The following SDK1 variants were observed in gnomAD, a reference collection of about 807,000 sequenced individuals.
The protein encoded by SDK1 is sidekick cell adhesion molecule 1, also known as protein sidekick-1.
SDK1 carries 157 observed loss-of-function variants against 245.5 expected under a neutral mutation model. The ratio of observed to expected loss-of-function variants is 0.64; its 90% CI spans 0.56 to 0.73. The LOEUF is 0.73. SDK1 is among the 30% of genes least tolerant of loss of function. SDK1 has a pLI of 0.00. For missense variants in SDK1, 3,583 were observed against 3,002.3 expected, an observed-to-expected ratio of 1.19 and a Z score of -4.52; for synonymous variants, 1,647 against 1,278.5, an observed-to-expected ratio of 1.29 and a Z score of -6.15.
intron 25 of SDK1, among the ~76,000 whole-genome samples, chr7:4,118,986 A>C (rs1783897885): frequency 6.7e-6 from 1 of 148,648 alleles, no homozygotes; most frequent in Admixed American, 6.7e-5. Flanking sequence ...GGGGATGATG[A>C]GATGTTCCAA....
chr7:4,159,328 C>G (rs1278440281), intron 31 of SDK1, among the ~76,000 whole-genome samples: 1 of 152,238 alleles, frequency 6.6e-6, no homozygotes, highest in African/African-American at 2.4e-5. Flanking sequence ...GTTTCTCCCA[C>G]ATAGGCCTCC....
intron 1 of SDK1, among the ~76,000 whole-genome samples, chr7:3,485,882 G>A (rs116637488): frequency 5.9e-5 from 9 of 151,344 alleles, no homozygotes; most frequent in Admixed American, 3.3e-4. Context: ...TCTTTGTCCC[G>A]TTAGGACAGT....
chr7:3,680,890 T>G (rs941287558), intron 4 of SDK1, among the ~76,000 whole-genome samples: 9 of 152,212 alleles, frequency 5.9e-5, no homozygotes, highest in African/African-American at 2.2e-4. Context: ...GTTGCCAGGC[T>G]GGAGTTCAGT....
intron 1 of SDK1, among the ~76,000 whole-genome samples, chr7:3,602,641 A>C (rs1180073860): frequency 6.6e-6 from 1 of 151,446 alleles, no homozygotes; most frequent in Non-Finnish European, 1.5e-5. Flanking sequence ...GTTCACTCTG[A>C]TGTTAGTTTC....
At chr7:3,460,775 A>G (rs1562499427) in intron 1 of SDK1, among the ~76,000 whole-genome samples, 2 of 152,218 alleles carry the variant, frequency 1.3e-5, no homozygotes, top group African/African-American at 4.8e-5. Context: ...CAATTGTTAT[A>G]AATTGGAGAA....
intron 5 of SDK1, among the ~76,000 whole-genome samples, chr7:3,905,493 A>G (rs1037186141): frequency 2.0e-5 from 3 of 152,004 alleles, no homozygotes; most frequent in Non-Finnish European, 4.4e-5. Context: ...TCTATTGTGG[A>G]TAATCTTTCC....
chr7:4,255,608 C>A (rs753328944), intron 44 of SDK1, among the ~76,000 whole-genome samples: 1 of 152,194 alleles, frequency 6.6e-6, no homozygotes, highest in Non-Finnish European at 1.5e-5. Flanking sequence ...AGCCCCAGTA[C>A]TCTTGGCCAT....
intron 5 of SDK1, among the ~76,000 whole-genome samples, chr7:3,923,846 G>T (rs866036845): frequency 6.6e-6 from 1 of 152,190 alleles, no homozygotes; most frequent in Non-Finnish European, 1.5e-5. Flanking sequence ...TTCCTCAGGG[G>T]TTCCTTTCAC....
intron 2 of SDK1, among the ~76,000 whole-genome samples, chr7:3,634,174 G>A (rs1369614429): frequency 6.6e-6 from 1 of 152,094 alleles, no homozygotes; most frequent in African/African-American, 2.4e-5. Flanking sequence ...TTTGAGATAA[G>A]CCCCATCTCC....
At chr7:3,741,563 C>G (rs561729455) in intron 4 of SDK1, among the ~76,000 whole-genome samples, 1 of 152,102 alleles carries the variant, frequency 6.6e-6, no homozygotes, top group Non-Finnish European at 1.5e-5. Context: ...GTAGTTTGCC[C>G]TAATTAACTT....
At chr7:4,043,996 TTTTC>T (rs1179063168) in intron 17 of SDK1, among the ~76,000 whole-genome samples, 1 of 152,216 alleles carries the variant, frequency 6.6e-6, no homozygotes, top group Non-Finnish European at 1.5e-5. Context: ...TTGTGTTTTC[TTTTC>T]TTTCTTTCAG....
chr7:3,371,187 A>G (rs1006256712), intron 1 of SDK1, among the ~76,000 whole-genome samples: 7 of 152,194 alleles, frequency 4.6e-5, no homozygotes, highest in African/African-American at 1.4e-4. Flanking sequence ...GGCTCAGAGG[A>G]GAACACATCT....
chr7:3,980,012 C>G (rs1290813204), intron 13 of SDK1, among the ~76,000 whole-genome samples: 1 of 152,096 alleles, frequency 6.6e-6, no homozygotes, highest in African/African-American at 2.4e-5. Flanking sequence ...TGACAGAGCC[C>G]TCGTAAGGAG....
chr7:3,430,525 G>A (rs533250910), intron 1 of SDK1, among the ~76,000 whole-genome samples: 5 of 152,046 alleles, frequency 3.3e-5, no homozygotes, highest in South Asian at 4.2e-4. Flanking sequence ...CCTCCTGCTC[G>A]TCAGCTTCAT....
intron 1 of SDK1, among the ~76,000 whole-genome samples, chr7:3,446,992 A>G (rs1448359380): frequency 6.6e-6 from 1 of 152,190 alleles, no homozygotes; most frequent in East Asian, 1.9e-4. Context: ...CGATGAAGCA[A>G]TCTGAGTGAA....
At chr7:3,584,864 C>T (rs1780633415) in intron 1 of SDK1, among the ~76,000 whole-genome samples, 1 of 152,062 alleles carries the variant, frequency 6.6e-6, no homozygotes, top group African/African-American at 2.4e-5. Flanking sequence ...GCTGGGACTA[C>T]AGGTGCCTGC....
At chr7:3,648,748 G>A (rs1782922616) in intron 4 of SDK1, among the ~76,000 whole-genome samples, 1 of 152,176 alleles carries the variant, frequency 6.6e-6, no homozygotes, top group Non-Finnish European at 1.5e-5. Flanking sequence ...TAGGCATTTT[G>A]TGAATGTTTA....
chr7:3,582,194 G>A (rs1026928531), intron 1 of SDK1, among the ~76,000 whole-genome samples: 1 of 150,820 alleles, frequency 6.6e-6, no homozygotes, highest in African/African-American at 2.4e-5. Flanking sequence ...TCTCAGGTAG[G>A]TCTGTCTCAG....
intron 20 of SDK1, among the ~76,000 whole-genome samples, chr7:4,069,749 A>G (rs979676039): frequency 6.6e-6 from 1 of 152,218 alleles, no homozygotes; most frequent in African/African-American, 2.4e-5. Context: ...GACAGCGGCA[A>G]TGATGACCCT....
Sources: allele counts gnomAD v4.1 joint callset (sites outside exome capture counted in the v4.1 genomes callset), GRCh38; gene constraint gnomAD v4.1.1; transcripts MANE v1.5; gene names NCBI Gene and HGNC (gene_info 2026-07-23, HGNC 2026-07-21).